The following SLC8A1 variants were observed in gnomAD, a reference collection of about 807,000 sequenced individuals.
SLC8A1 encodes the protein sodium/calcium exchanger 1.
A neutral mutation model predicts 68.3 loss-of-function variants in SLC8A1; 18 were observed. That is an observed-to-expected ratio of 0.26 (90% confidence interval 0.18 to 0.39). The LOEUF is 0.39. Among genes scored for constraint, SLC8A1 ranks in the 10% least tolerant of loss-of-function variants. SLC8A1 has a pLI of 1.00. For synonymous variants in SLC8A1, 475 were observed against 415.5 expected (o/e 1.14, Z -1.74); for missense variants, 985 against 1,156.7 (o/e 0.85, Z 2.15).
intron 2 of SLC8A1, among the ~76,000 whole-genome samples, chr2:40,347,570 C>G (rs1669745702): frequency 6.6e-6 from 1 of 152,158 alleles, no homozygotes; most frequent in Non-Finnish European, 1.5e-5. Context: ...ACCCATTTTA[C>G]AGAGGTGTTG....
rs370992951 is a variant in SLC8A1 at position 40,357,466 on chromosome 2, C to A, written c.1808+71007G>T. On this transcript the variant is annotated intron_variant, in intron 2 of 7. Transcript: ENST00000406785. The stretch of plus-strand genomic sequence containing the variant: ...GTGCTATGATCATGCCACTGCATGC[C>A]GGCCTGGGCAACAGAGCCAGACCCT... Among the ~76,000 whole-genome samples the A allele has an allele frequency of 7.5e-5, 11 of 147,098 alleles. No individual in the cohort carries two copies. The Admixed American group carries it at 7.6e-4, about 10-fold the overall frequency.
In SLC8A1 at chr2:40,508,273, G is replaced by A. The variant is rs570872727; in HGVS notation, c.-25+4076C>T. On this transcript the variant is annotated intron_variant, in intron 1 of 7. Transcript: ENST00000402441. The stretch of plus-strand genomic sequence containing the variant: ...AGAAAATGATTCAAGACATTTCCTC[G>A]TCCTCATCATTTCTGTTAAGGTATG... 6.0e-5 allele frequency among the ~76,000 whole-genome samples: 9 copies of A among 150,736 alleles called. No individual in the cohort carries two copies. In the South Asian group the frequency reaches 1.3e-3, roughly 21 times the overall value.
rs535816419 is a variant in SLC8A1 at position 40,239,977 on chromosome 2, A to T, written c.1809-62122T>A. On this transcript the variant is annotated intron_variant, in intron 2 of 7. Coordinates refer to ENST00000406785, the Ensembl canonical transcript of SLC8A1. ...CTGCTTCACCTCTTCTGTAATCCGA[A>T]GTCATGTGAATGAAATGTCCCAGGC... Among the ~76,000 whole-genome samples, 4 of 152,290 alleles carry T rather than the reference A, an allele frequency of 2.6e-5. No homozygotes were observed. In the South Asian group the frequency reaches 6.2e-4, roughly 24 times the overall value.
intron 6 of SLC8A1, among the ~76,000 whole-genome samples, chr2:40,152,285 A>G (rs553776845): frequency 3.4e-4 from 51 of 152,228 alleles, no homozygotes; most frequent in Non-Finnish European, 6.2e-4. Context: ...CTTCCAATAT[A>G]TAGTTGTTTA....
rs559542927 is a variant in SLC8A1, at chr2:40,248,420, TG to T, written c.1809-70566del. Among the ~76,000 whole-genome samples the T allele has an allele frequency of 2.6e-5, 4 of 152,214 alleles. No individual in the cohort carries two copies. In the South Asian group the frequency reaches 8.3e-4, roughly 32 times the overall value. ...TAAAAGAGGCCCTGGACATCTCCCT[TG>T]CCCTACCATCACACCACCTGCAGGC... On this transcript the variant is annotated intron_variant, in intron 2 of 7. Coordinates refer to ENST00000406785, the Ensembl canonical transcript of SLC8A1.
At chr2:40,377,338 C>G (rs761600510) in intron 2 of SLC8A1, among the ~76,000 whole-genome samples, 1 of 152,200 alleles carries the variant, frequency 6.6e-6, no homozygotes, top group South Asian at 2.1e-4. Flanking sequence ...AAGACCCCAG[C>G]CTTGGCCAAT....
At chr2:40,336,052 C>G (rs1334185928) in intron 2 of SLC8A1, among the ~76,000 whole-genome samples, 5 of 152,156 alleles carry the variant, frequency 3.3e-5, no homozygotes, top group African/African-American at 1.2e-4. Context: ...TGGCATAGTT[C>G]CTTATGATGT....
chr2:40,443,523 A>C (rs565941848), intron 1 of SLC8A1, among the ~76,000 whole-genome samples: 5 of 152,278 alleles, frequency 3.3e-5, no homozygotes, highest in Admixed American at 2.6e-4. Flanking sequence ...ACCTTCTTAG[A>C]TATGCTGGGG....
At chr2:40,486,696 T>C (rs1358747233) in intron 1 of SLC8A1, among the ~76,000 whole-genome samples, 1 of 151,958 alleles carries the variant, frequency 6.6e-6, no homozygotes, top group Non-Finnish European at 1.5e-5. Context: ...CTATTAGTAG[T>C]ATCTTAATAT....
intron 2 of SLC8A1, among the ~76,000 whole-genome samples, chr2:40,274,418 A>G (rs2066444118): frequency 6.6e-6 from 1 of 152,152 alleles, no homozygotes; most frequent in Non-Finnish European, 1.5e-5. Flanking sequence ...ATTTTCCAGC[A>G]GTATCAGATG....
intron 1 of SLC8A1, among the ~76,000 whole-genome samples, chr2:40,486,008 C>T (rs531944165): frequency 6.6e-6 from 1 of 152,280 alleles, no homozygotes; most frequent in South Asian, 2.1e-4. Flanking sequence ...ATAATGGCCG[C>T]ATGTTGTGGG....
intron 7 of SLC8A1, among the ~76,000 whole-genome samples, chr2:40,123,725 A>C (rs1390639601): frequency 2.0e-5 from 3 of 152,238 alleles, no homozygotes; most frequent in Admixed American, 1.3e-4. Flanking sequence ...GAGGGCAAAA[A>C]GAATCATAAG....
At chr2:40,248,861 G>T (rs1209480854) in intron 2 of SLC8A1, among the ~76,000 whole-genome samples, 1 of 152,136 alleles carries the variant, frequency 6.6e-6, no homozygotes, top group East Asian at 1.9e-4. Context: ...GGACGGAGTT[G>T]TATTATTTAT....
At chr2:40,296,120 A>G (rs145884187) in intron 2 of SLC8A1, among the ~76,000 whole-genome samples, 2 of 152,322 alleles carry the variant, frequency 1.3e-5, no homozygotes, top group East Asian at 3.9e-4. Context: ...ATGGGCCTCA[A>G]TTCACTCTCC....
chr2:40,430,324 G>C lies in SLC8A1; in HGVS notation c.-24-20C>G, dbSNP rs1233837096. 6.5e-7 allele frequency: 1 copy of C among 1,547,774 alleles called. No individual in the cohort carries two copies. Among genetic ancestry groups the C allele is most frequent in the Non-Finnish European group, 8.7e-7 (1 of 1,151,434 alleles). Reference sequence around the variant, plus strand: ...AACCTACTGGTAAAAATAAGATGGGGGAGAGGGCAGAAAAAAAGTCATGTC... The same window carrying C: ...AACCTACTGGTAAAAATAAGATGGGCGAGAGGGCAGAAAAAAAGTCATGTC... On this transcript the variant is annotated intron_variant, in intron 1 of 7. Transcript: ENST00000406785.
intron 1 of SLC8A1, among the ~76,000 whole-genome samples, chr2:40,467,076 C>T (rs1041413113): frequency 6.6e-6 from 1 of 151,718 alleles, no homozygotes; most frequent in African/African-American, 2.4e-5. Flanking sequence ...ACCAGGGGGA[C>T]AGTTAATTAA....
intron 2 of SLC8A1, among the ~76,000 whole-genome samples, chr2:40,372,224 A>G (rs1310805980): frequency 5.9e-5 from 9 of 152,102 alleles, no homozygotes; most frequent in Non-Finnish European, 1.2e-4. Flanking sequence ...CCATGGCTAT[A>G]TATGGTCACA....
At chr2:40,132,800 A>G (rs1193035243) in intron 7 of SLC8A1, among the ~76,000 whole-genome samples, 9 of 152,316 alleles carry the variant, frequency 5.9e-5, no homozygotes, top group East Asian at 3.9e-4. Context: ...AGTTCACATC[A>G]CTTAATGACA....
chr2:40,185,777 G>A (rs967841869), intron 2 of SLC8A1, among the ~76,000 whole-genome samples: 1 of 152,076 alleles, frequency 6.6e-6, no homozygotes. Flanking sequence ...AATAAAGCTA[G>A]CATTTAAAAA....
Sources: allele counts gnomAD v4.1 joint callset (sites outside exome capture counted in the v4.1 genomes callset), GRCh38; gene constraint gnomAD v4.1.1; transcripts MANE v1.5; gene names NCBI Gene and HGNC (gene_info 2026-07-23, HGNC 2026-07-21).